RCBTB1: variants seen among roughly 807,000 people sequenced by gnomAD.
The protein encoded by RCBTB1 is RCC1 and BTB domain-containing protein 1.
A neutral mutation model predicts 62.4 loss-of-function variants in RCBTB1; 46 were observed. The observed-to-expected ratio is 0.74, with a 90% CI of 0.58 to 0.94. The LOEUF (loss-of-function observed/expected upper bound fraction) is 0.94. Ranked by LOEUF, RCBTB1 falls within the 40% of genes least tolerant of loss-of-function variation. The pLI is 0.00. For missense variants in RCBTB1, 565 were observed against 654.9 expected (o/e 0.86, Z 1.50); for synonymous variants, 222 against 245.8 (o/e 0.90, Z 0.91).
chr13:49,561,560 T>C (rs571027721), intron 4 of RCBTB1, among the ~76,000 whole-genome samples: 80 of 152,008 alleles, frequency 5.3e-4, no homozygotes, highest in African/African-American at 1.8e-3. Flanking sequence ...AACAGAAAAA[T>C]AGACTTAAAT....
chr13:49,544,896 G>C, intron 9 of RCBTB1, 33 bp from the exon 10 acceptor site: 1 of 1,570,000 alleles, frequency 6.4e-7, no homozygotes, highest in African/African-American at 1.4e-5. Context: ...AATATGGCAA[G>C]TTCAAGGAAC....
intron 6 of RCBTB1, among the ~76,000 whole-genome samples, 165 bp from the exon 7 acceptor site, chr13:49,552,450 T>C (rs1027062594): frequency 3.3e-5 from 5 of 152,176 alleles, no homozygotes; most frequent in African/African-American, 1.2e-4. Flanking sequence ...GAGAAGGGGA[T>C]GACAGAATTG....
At position 49,567,289 on chromosome 13, in the gene RCBTB1, T is replaced by C; in HGVS notation, c.-10A>G. The C allele has an allele frequency of 6.2e-7, 1 of 1,613,558 alleles. No homozygotes were observed. Among genetic ancestry groups the C allele is most frequent in the East Asian group, 2.2e-5 (1 of 44,874 alleles). On this transcript the variant is annotated 5_prime_UTR_variant, in exon 3 of 13. Coordinates refer to ENST00000378302, the MANE Select transcript of RCBTB1 (RefSeq NM_018191.4). Reference sequence around the variant, plus strand: ...TTCCGACATCCACCATGACTCTGGCTTCAAGCAATTCCTATAAATAAGCCG... The same window carrying C: ...TTCCGACATCCACCATGACTCTGGCCTCAAGCAATTCCTATAAATAAGCCG...
At chr13:49,558,715 AAAT>A (rs1394414949) in intron 5 of RCBTB1, among the ~76,000 whole-genome samples, 1 of 151,596 alleles carries the variant, frequency 6.6e-6, no homozygotes, top group Non-Finnish European at 1.5e-5. Flanking sequence ...AAAAAAAAAA[AAAT>A]TCACAAAGTA....
rs751123717 is a variant in RCBTB1 at position 49,534,273 on chromosome 13, A to G, written c.1456-11T>C. 1 of 1,602,924 alleles carries G rather than the reference A, an allele frequency of 6.2e-7. No homozygotes were observed. ...GAATTCTTCTAAATCCTGGACACAC[A>G]ACAAAAATAAAAACAAAAATGGCTT... On this transcript the variant is annotated splice_polypyrimidine_tract_variant and intron_variant, in intron 12 of 12. Coordinates refer to ENST00000378302, the MANE Select transcript of RCBTB1 (RefSeq NM_018191.4).
At chr13:49,555,394 C>A in intron 6 of RCBTB1, 121 bp downstream of exon 6, 1 of 844,054 alleles carries the variant, frequency 1.2e-6, no homozygotes. Context: ...AGTTAACTTT[C>A]AATGGAGCTA....
At chr13:49,577,986 T>G (rs1391736814) in intron 2 of RCBTB1, among the ~76,000 whole-genome samples, 3 of 152,344 alleles carry the variant, frequency 2.0e-5, no homozygotes, top group Middle Eastern at 3.4e-3. Context: ...GTTGCTAAGC[T>G]GTCTTACGAA....
At chr13:49,546,033 A>T in intron 9 of RCBTB1, 1 of 954,416 alleles carries the variant, frequency 1.0e-6, no homozygotes, top group Non-Finnish European at 1.2e-6. Flanking sequence ...AAAACCTCTC[A>T]AAAGTCAGGC....
At position 49,532,272 on chromosome 13, in the gene RCBTB1, A is replaced by C. The variant is rs1959619801; in HGVS notation, c.*1850T>G. On this transcript the variant is annotated 3_prime_UTR_variant, in exon 13 of 13. Coordinates refer to ENST00000378302, the MANE Select transcript of RCBTB1 (RefSeq NM_018191.4). ...CATACAAATGACTTAGTAATCTAAT[A>C]TGAGAAGTGGTCCTTCACTTATATT... 6.6e-6 allele frequency: 1 copy of C among 152,314 alleles called. No individual in the cohort carries two copies. Among genetic ancestry groups the C allele is most frequent in the Non-Finnish European group, 1.5e-5 (1 of 68,048 alleles). 9.4% of individuals were successfully genotyped at this position (152,314 alleles called of 1,614,324 possible).
chr13:49,549,421 A>C (rs773125807), intron 9 of RCBTB1, 37 bp downstream of exon 9: 1 of 1,573,306 alleles, frequency 6.4e-7, no homozygotes, highest in Non-Finnish European at 8.6e-7. Flanking sequence ...TGGTAGTACC[A>C]TTCTTCCTGG....
chr13:49,555,369 C>T (rs1961758211), intron 6 of RCBTB1, 146 bp downstream of exon 6: 2 of 681,708 alleles, frequency 2.9e-6, no homozygotes, highest in Non-Finnish European at 5.0e-6. Context: ...ACCTCCAGCT[C>T]CTCAGTCAGT....
intron 10 of RCBTB1, 90 bp downstream of exon 10, chr13:49,544,647 C>T: frequency 1.9e-6 from 2 of 1,077,150 alleles, no homozygotes; most frequent in Non-Finnish European, 1.3e-6. Flanking sequence ...CTCTCTACTA[C>T]CAAGGCTATT....
At chr13:49,560,130 T>C (rs1299386518) in intron 4 of RCBTB1, 46 bp from the exon 5 acceptor site, 3 of 1,597,244 alleles carry the variant, frequency 1.9e-6, no homozygotes, top group Non-Finnish European at 2.6e-6. Context: ...AAAGAAATAG[T>C]AACCCTGTAC....
At chr13:49,581,817 G>A (rs1964117956) in intron 1 of RCBTB1, among the ~76,000 whole-genome samples, 1 of 152,194 alleles carries the variant, frequency 6.6e-6, no homozygotes, top group African/African-American at 2.4e-5. Flanking sequence ...AGGGAAGGGT[G>A]GAGAAACTTC....
intron 9 of RCBTB1, chr13:49,546,821 G>A (rs1157065123): frequency 1.6e-5 from 5 of 316,596 alleles, no homozygotes; most frequent in Non-Finnish European, 2.3e-5. Context: ...ATGAAGCTTC[G>A]CTCACTGCCA....
chr13:49,548,486 T>C (rs1961023579), intron 9 of RCBTB1, among the ~76,000 whole-genome samples: 1 of 151,558 alleles, frequency 6.6e-6, no homozygotes, highest in South Asian at 2.1e-4. Flanking sequence ...AAGAACAGGC[T>C]ACCCAAAAAC....
At chr13:49,562,627 G>GT (rs1962533142) in intron 4 of RCBTB1, among the ~76,000 whole-genome samples, 1 of 151,650 alleles carries the variant, frequency 6.6e-6, no homozygotes, top group Non-Finnish European at 1.5e-5. Context: ...TTGAGATGGG[G>GT]TCTCACTCTG....
intron 2 of RCBTB1, among the ~76,000 whole-genome samples, chr13:49,573,102 C>G (rs1009321177): frequency 2.0e-5 from 3 of 152,164 alleles, no homozygotes; most frequent in Non-Finnish European, 4.4e-5. Flanking sequence ...CGTCATACAG[C>G]TAAACTATGT....
chr13:49,576,433 A>C (rs1963792712), intron 2 of RCBTB1, among the ~76,000 whole-genome samples: 1 of 152,200 alleles, frequency 6.6e-6, no homozygotes, highest in Non-Finnish European at 1.5e-5. Flanking sequence ...AATTAAATAT[A>C]GAAAGGTTTC....
Sources: gnomAD v4.1 joint callset for allele counts (sites outside exome capture counted in the v4.1 genomes callset) on GRCh38, gnomAD v4.1.1 for gene constraint, MANE v1.5 for transcripts, NCBI Gene and HGNC (gene_info 2026-07-23, HGNC 2026-07-21) for gene names.